TMEM8B: variants seen among roughly 807,000 people sequenced by gnomAD.
TMEM8B encodes transmembrane protein 8B, also known as nasopharyngeal carcinoma expressed 6.
TMEM8B carries 29 observed loss-of-function variants against 49.3 expected under a neutral mutation model. That is an observed-to-expected ratio of 0.59 (90% CI 0.44 to 0.80). The LOEUF (loss-of-function observed/expected upper bound fraction) is 0.80. Among genes scored for constraint, TMEM8B ranks in the 30% least tolerant of loss-of-function variants. TMEM8B has a pLI of 0.00. For missense variants in TMEM8B, 575 were observed against 658.5 expected, an observed-to-expected ratio of 0.87 and a Z score of 1.39; for synonymous variants, 264 against 272.8, an observed-to-expected ratio of 0.97 and a Z score of 0.32.
intron 10 of TMEM8B, among the ~76,000 whole-genome samples, chr9:35,847,619 A>G (rs948186986): frequency 2.0e-5 from 3 of 152,216 alleles, no homozygotes; most frequent in Non-Finnish European, 4.4e-5. Context: ...TGACTCTCAG[A>G]GTCCTGAGAA....
At position 35,853,800 on chromosome 9, in the gene TMEM8B, G is replaced by A. The variant is rs865986176; in HGVS notation, c.2735G>A (p.Gly912Asp). 1.3e-6 allele frequency: 2 copies of A among 1,565,692 alleles called. No individual in the cohort carries two copies. Among genetic ancestry groups the A allele is most frequent in the Non-Finnish European group, 1.7e-6 (2 of 1,157,190 alleles). Residue 912 changes from glycine to aspartate, a missense_variant, in exon 13 of 13, where the codon GGC (glycine) becomes GAC (aspartate). Physicochemically the swap from Gly to Asp is moderately conservative, Grantham distance 94. Coordinates refer to ENST00000643932, the MANE Select transcript of TMEM8B (RefSeq NM_001042590.4). The surrounding 1 kb of genome is among the most constrained non-coding windows in gnomAD (Gnocchi z 4.2). Reference sequence around the variant, plus strand: ...GAGCAGGAGGAGCTGGGCCTCGTGGGCCCAGGAGGGGCCACTGTCAGCAGC... The same window carrying A: ...GAGCAGGAGGAGCTGGGCCTCGTGGACCCAGGAGGGGCCACTGTCAGCAGC... ...INEQEELGLV[G>D]PGGATVSSIC... is the part of the protein sequence containing the mutation.
intron 6 of TMEM8B, among the ~76,000 whole-genome samples, chr9:35,843,171 C>G (rs1461398914): frequency 6.6e-6 from 1 of 152,160 alleles, no homozygotes; most frequent in African/African-American, 2.4e-5. Context: ...AAAGCCATAT[C>G]CAGAAGCCAT....
At chr9:35,847,050 A>G (rs747038251) in intron 10 of TMEM8B, 55 bp downstream of exon 10, 54 of 1,614,076 alleles carry the variant, frequency 3.3e-5, no homozygotes, top group Non-Finnish European at 4.1e-5. Context: ...GTGGTGGGTC[A>G]CAGTCTGTAT....
In TMEM8B at chr9:35,841,521, C is replaced by G. The variant is rs1029201604; in HGVS notation, c.1041-5C>G. 2 of 417,144 alleles carry G rather than the reference C, an allele frequency of 4.8e-6. No homozygotes were observed. The highest frequency in any genetic ancestry group is 4.4e-5 in the Admixed American group (1 of 22,762). The allele number at this position is 417,144 out of a possible 1,614,324, so 25.8% of individuals were successfully genotyped here. A position where few individuals can be genotyped will look rare whatever the true frequency, so the allele number is the denominator to read the frequency against. On this transcript the variant is annotated splice_polypyrimidine_tract_variant and splice_region_variant and intron_variant, in intron 4 of 12. Transcript: ENST00000643932. This position sits in a 1 kb window ranked among gnomAD's most constrained non-coding sequence, Gnocchi z 5.9. ...CTTCTTACCCCCAACCTCTCCTCTGCCCAGGGTCTTTGTGCCCAGCTTCAC... is the reference window on the plus strand; with the variant it reads ...CTTCTTACCCCCAACCTCTCCTCTGGCCAGGGTCTTTGTGCCCAGCTTCAC...
At chr9:35,852,079 G>A (rs966150992) in intron 10 of TMEM8B, among the ~76,000 whole-genome samples, 1 of 152,156 alleles carries the variant, frequency 6.6e-6, no homozygotes. Flanking sequence ...ACAGACAAGG[G>A]AGCTAATGGC....
Position 35,841,852 on chromosome 9 carries a change from T to C in TMEM8B, c.1309+58T>C. 1 of 414,922 alleles carries C rather than the reference T, an allele frequency of 2.4e-6. No individual in the cohort carries two copies. The highest frequency in any genetic ancestry group is 4.4e-6 in the Non-Finnish European group (1 of 226,212). 25.7% of individuals were successfully genotyped at this position (414,922 alleles called of 1,614,324 possible). ...AGACATCTGTGGTTGGGAAGTGACT[T>C]GGGTGGCTGTGTTCAGTGGCCCTCT... On this transcript the variant is annotated intron_variant, in intron 5 of 12. Transcript: ENST00000643932. The surrounding 1 kb of genome is among the most constrained non-coding windows in gnomAD (Gnocchi z 5.9).
intron 3 of TMEM8B, among the ~76,000 whole-genome samples, chr9:35,836,174 A>T (rs1483118320): frequency 1.3e-5 from 2 of 152,192 alleles, no homozygotes; most frequent in Non-Finnish European, 2.9e-5. Context: ...ATTGTCAGAG[A>T]TGGGAAGTAG....
At position 35,860,269 on chromosome 9, in the gene TMEM8B, T is replaced by C. The variant is rs1832627211; in HGVS notation, c.*6429T>C. 1 of 152,260 alleles carries C rather than the reference T, an allele frequency of 6.6e-6. No homozygotes were observed. The highest frequency in any genetic ancestry group is 1.9e-4 in the East Asian group (1 of 5,200). 9.4% of individuals were successfully genotyped at this position (152,260 alleles called of 1,614,324 possible). On this transcript the variant is annotated 3_prime_UTR_variant, in exon 13 of 13. Coordinates refer to ENST00000643932, the MANE Select transcript of TMEM8B (RefSeq NM_001042590.4). The stretch of plus-strand genomic sequence containing the variant: ...GGTCAGAGGAGACAGCAGAGAAAGA[T>C]TCATGTTTAAAATGATCGTTTGGAA...
rs1588160037 is a variant in TMEM8B at position 35,845,907 on chromosome 9, A to AGTCTG, written c.1636-67_1636-63dup. The AGTCTG allele has an allele frequency of 2.1e-5, 33 of 1,607,212 alleles. No homozygotes were observed. In the East Asian group the frequency reaches 7.4e-4, roughly 36 times the overall value. On this transcript the variant is annotated intron_variant, in intron 6 of 12. Coordinates refer to ENST00000643932, the MANE Select transcript of TMEM8B (RefSeq NM_001042590.4). Reference sequence around the variant, plus strand: ...GAAGGTGTGGGTTAACAGGGGTGGGAGTCTGAGGGTGGCGGTGGGTGGAGA... The same window carrying AGTCTG: ...GAAGGTGTGGGTTAACAGGGGTGGGAGTCTGGTCTGAGGGTGGCGGTGGGTGGAGA...
In TMEM8B at chr9:35,853,431, A is replaced by G. The variant is rs1832335146; in HGVS notation, c.2440-74A>G. The G allele has an allele frequency of 1.3e-6, 2 of 1,545,958 alleles. No homozygotes were observed. The highest frequency in any genetic ancestry group is 1.7e-6 in the Non-Finnish European group (2 of 1,147,818). On this transcript the variant is annotated intron_variant, in intron 12 of 12. Transcript: ENST00000643932. This position sits in a 1 kb window ranked among gnomAD's most constrained non-coding sequence, Gnocchi z 4.2. Reference sequence around the variant, plus strand: ...AGGTCACAACCAGGATACAGAGGAAACCTGAGAGTGACCAGCTCTGGCTTG... The same window carrying G: ...AGGTCACAACCAGGATACAGAGGAAGCCTGAGAGTGACCAGCTCTGGCTTG...
intron 10 of TMEM8B, among the ~76,000 whole-genome samples, chr9:35,851,519 T>C (rs1180565977): frequency 6.6e-6 from 1 of 152,232 alleles, no homozygotes; most frequent in Non-Finnish European, 1.5e-5. Flanking sequence ...AACTCACTTT[T>C]TCAATTTAAC....
At position 35,860,038 on chromosome 9, in the gene TMEM8B, G is replaced by A. The variant is rs1003655971; in HGVS notation, c.*6198G>A. The A allele has an allele frequency of 1.3e-5, 2 of 152,246 alleles. No individual in the cohort carries two copies. Among genetic ancestry groups the A allele is most frequent in the Non-Finnish European group, 2.9e-5 (2 of 68,062 alleles). The allele number at this position is 152,246 out of a possible 1,614,324, so 9.4% of individuals were successfully genotyped here. ...CAGCTTTTTGGAAAAAGCTCCAACT[G>A]GCCTGGGAGCCCAGTGACCTGATGT... On this transcript the variant is annotated 3_prime_UTR_variant, in exon 13 of 13. Transcript: ENST00000643932.
At chr9:35,852,633 T>G (rs762780062) in intron 10 of TMEM8B, among the ~76,000 whole-genome samples, 194 bp from the exon 11 acceptor site, 8 of 152,130 alleles carry the variant, frequency 5.3e-5, no homozygotes, top group Non-Finnish European at 8.8e-5. Context: ...ATATTAGTTA[T>G]GTAGCAGACT....
chr9:35,833,904 G>A (rs2132227162), intron 1 of TMEM8B, among the ~76,000 whole-genome samples: 1 of 152,184 alleles, frequency 6.6e-6, no homozygotes, highest in East Asian at 1.9e-4. Context: ...GGTTTTTACT[G>A]CTCCTAACCA....
At chr9:35,847,664 C>T (rs972286415) in intron 10 of TMEM8B, among the ~76,000 whole-genome samples, 8 of 152,174 alleles carry the variant, frequency 5.3e-5, no homozygotes, top group Non-Finnish European at 8.8e-5. Flanking sequence ...GAGGCATTGT[C>T]GGAAGTGGCA....
In TMEM8B at chr9:35,846,553, C is replaced by G. The variant is rs900322758; in HGVS notation, c.1938C>G (p.Gly646=). ...SPCVDDCGPY[G]QCKLLRTHNY... ...GCGTGGACGACTGCGGGCCCTACGG[C>G]CAGTGCAAGCTGCTGCGCACACACA... The change falls in exon 9 of 13, where the codon GGC becomes GGG. Residue 646 remains glycine, a synonymous_variant. Coordinates refer to ENST00000643932, the MANE Select transcript of TMEM8B (RefSeq NM_001042590.4). The G allele has an allele frequency of 3.8e-6, 6 of 1,575,570 alleles. No homozygotes were observed. The African/African-American group carries it at 5.4e-5, about 14-fold the overall frequency.
intron 10 of TMEM8B, among the ~76,000 whole-genome samples, chr9:35,851,636 A>G (rs1285767868): frequency 2.6e-5 from 4 of 152,210 alleles, no homozygotes; most frequent in Admixed American, 2.0e-4. Flanking sequence ...TTGCAGGAGC[A>G]AAATTCTTTA....
Position 35,845,989 on chromosome 9 carries a change from G to C in TMEM8B, c.1650G>C (p.Gln550His). 1 of 1,614,046 alleles carries C rather than the reference G, an allele frequency of 6.2e-7. No homozygotes were observed. The highest frequency in any genetic ancestry group is 8.5e-7 in the Non-Finnish European group (1 of 1,179,968). The part of the protein sequence containing the change: ...ELQLNASSVR[Q>H]ENVTVFGCLT... ...GCCCTCCCCAGAGCTCCGTGCGCCAGGAAAACGTGACGGTGTTTGGATGCT... is the reference window on the plus strand; with the variant it reads ...GCCCTCCCCAGAGCTCCGTGCGCCACGAAAACGTGACGGTGTTTGGATGCT... The change falls in exon 7 of 13, where the codon CAG (glutamine) becomes CAC (histidine). Residue 550 changes from glutamine to histidine, a missense_variant. By Grantham distance (24) the Gln-to-His change is conservative (BLOSUM62 0). Coordinates refer to ENST00000643932, the MANE Select transcript of TMEM8B (RefSeq NM_001042590.4).
Position 35,835,165 on chromosome 9 carries a change from G to A in TMEM8B, c.853G>A (p.Asp285Asn), listed in dbSNP as rs915669166. The change falls in exon 3 of 13, where the codon GAC (aspartate) becomes AAC (asparagine). Residue 285 changes from aspartate to asparagine, a missense_variant. Asp to Asn is a conservative substitution (Grantham distance 23). Transcript: ENST00000643932. ...TAACGTCAGCAGCCCCTTACCTGGG[G>A]ACTGGTTCTTGGCTGCCCACCTTCC... ...IFNVSSPLPG[D>N]WFLAAHLPQA... 3 of 415,700 alleles carry A rather than the reference G, an allele frequency of 7.2e-6. No homozygotes were observed. Among genetic ancestry groups the A allele is most frequent in the African/African-American group, 6.2e-5 (3 of 48,696 alleles). 25.8% of individuals were successfully genotyped at this position (415,700 alleles called of 1,614,324 possible).
Sources: allele counts gnomAD v4.1 joint callset (sites outside exome capture counted in the v4.1 genomes callset), GRCh38; gene constraint gnomAD v4.1.1; non-coding constraint Gnocchi (gnomAD v3.1); transcripts MANE v1.5; gene names NCBI Gene and HGNC (gene_info 2026-07-23, HGNC 2026-07-21).